CFTR: variants seen among roughly 807,000 people sequenced by gnomAD.
CFTR encodes cystic fibrosis transmembrane conductance regulator.
Under a neutral mutation model 171.6 loss-of-function variants are expected in CFTR, and 181 were observed. That is an observed-to-expected ratio of 1.05 (90% CI 0.93 to 1.19). The LOEUF (loss-of-function observed/expected upper bound fraction) is 1.19, where lower values mean the gene tolerates loss of function less well. Among genes scored for constraint, CFTR ranks in the 50% most tolerant of loss-of-function variants. The pLI, the probability that CFTR is intolerant of heterozygous loss-of-function variation, is 0.00. For missense variants in CFTR, 1,968 were observed against 1,734.7 expected (o/e 1.13, Z -2.39); for synonymous variants, 583 against 608.0 (o/e 0.96, Z 0.60).
intron 24 of CFTR, among the ~76,000 whole-genome samples, chr7:117,655,421 C>A (rs1793151712): frequency 6.6e-6 from 1 of 152,190 alleles, no homozygotes; most frequent in South Asian, 2.1e-4. Flanking sequence ...ATAACATGTT[C>A]CTCATTTCCA....
intron 11 of CFTR, among the ~76,000 whole-genome samples, chr7:117,559,984 T>C (rs1021565895): frequency 6.6e-6 from 1 of 152,134 alleles, no homozygotes; most frequent in Non-Finnish European, 1.5e-5. Flanking sequence ...ATAAGTGATA[T>C]GTGGTATCTT....
Position 117,530,893 on chromosome 7 carries a change from T to C in CFTR, c.274-6T>C, listed in dbSNP as rs371315549. ...ATTTAATTTCTCTGTTTTTCCCCTTTTGTAGGAAGTCACCAAAGCAGTACA... is the reference window on the plus strand; with the variant it reads ...ATTTAATTTCTCTGTTTTTCCCCTTCTGTAGGAAGTCACCAAAGCAGTACA... On this transcript the variant is annotated splice_region_variant and splice_polypyrimidine_tract_variant and intron_variant, in intron 3 of 26. Transcript: ENST00000003084. 1,322 of 1,587,290 alleles carry C rather than the reference T, an allele frequency of 8.3e-4. 1 individual carries two copies. The highest frequency in any genetic ancestry group is 1.1e-3 in the Non-Finnish European group (1,232 of 1,156,488).
chr7:117,633,443 A>G (rs2116143707), intron 22 of CFTR, among the ~76,000 whole-genome samples: 1 of 152,250 alleles, frequency 6.6e-6, no homozygotes, highest in African/African-American at 2.4e-5. Flanking sequence ...ATAGATTATC[A>G]TCATCTGAAC....
rs11978434 is a variant in CFTR, at chr7:117,591,798, T to C, written c.1767-136T>C. The C allele has an allele frequency of 0.21, 121,905 of 571,422 alleles. 14,909 individuals are homozygous for C. The highest frequency in any genetic ancestry group is 0.24 in the Non-Finnish European group (81,111 of 337,472). 35.4% of individuals were successfully genotyped at this position (571,422 alleles called of 1,614,324 possible). ...CAATTTAATTACTACAGAGTACTTA[T>C]AGAATCATTTAAAATATAATAAAAT... On this transcript the variant is annotated intron_variant, in intron 13 of 26. Transcript: ENST00000003084.
intron 15 of CFTR, among the ~76,000 whole-genome samples, chr7:117,597,710 T>A (rs996503812): frequency 6.6e-6 from 1 of 152,134 alleles, no homozygotes; most frequent in Non-Finnish European, 1.5e-5. Context: ...GACAACCATT[T>A]TAGAGATTCA....
At chr7:117,612,042 T>TATATATATATATATAC (rs1792411601) in intron 20 of CFTR, among the ~76,000 whole-genome samples, 1 of 74,928 alleles carries the variant, frequency 1.3e-5, no homozygotes, top group Non-Finnish European at 2.8e-5. Flanking sequence ...TATATATATA[T>TATATATATATATATAC]ATATATATAT....
At chr7:117,642,349 A>G (rs930052307) in intron 22 of CFTR, 89 bp from the exon 23 acceptor site, 8 of 1,261,016 alleles carry the variant, frequency 6.3e-6, no homozygotes, top group African/African-American at 1.5e-5. Context: ...AAATATTCCA[A>G]TGGTTTTTAT....
chr7:117,554,610 G>C (rs1799320777), intron 10 of CFTR, among the ~76,000 whole-genome samples: 1 of 152,096 alleles, frequency 6.6e-6, no homozygotes, highest in Non-Finnish European at 1.5e-5. Context: ...GATAAGAAGA[G>C]AAAGGGGTGT....
rs1793110116 is a variant in CFTR at position 117,652,911 on chromosome 7, A to C, written c.3943A>C (p.Ile1315Leu). ...CTATGAACAGTGGAGTGATCAAGAA[A>C]TATGGAAAGTTGCAGATGAGGTAAG... ...DPYEQWSDQEIWKVADEVGLR... is the reference protein window; with the variant it reads ...DPYEQWSDQELWKVADEVGLR... The change falls in exon 24 of 27, where the codon ATA (isoleucine) becomes CTA (leucine). Residue 1315 changes from isoleucine to leucine, a missense_variant. By Grantham distance (5) the Ile-to-Leu change is conservative. Coordinates refer to ENST00000003084, the MANE Select transcript of CFTR (RefSeq NM_000492.4). 1.2e-6 allele frequency: 2 copies of C among 1,605,524 alleles called. No individual in the cohort carries two copies. Among genetic ancestry groups the C allele is most frequent in the Non-Finnish European group, 1.7e-6 (2 of 1,173,282 alleles).
At chr7:117,574,457 A>G (rs1791743551) in intron 11 of CFTR, among the ~76,000 whole-genome samples, 1 of 152,110 alleles carries the variant, frequency 6.6e-6, no homozygotes, top group South Asian at 2.1e-4. Context: ...TTCTCTTTAT[A>G]TAAATGTTTC....
intron 22 of CFTR, among the ~76,000 whole-genome samples, chr7:117,639,157 G>A (rs1792875243): frequency 6.6e-6 from 1 of 152,146 alleles, no homozygotes; most frequent in African/African-American, 2.4e-5. Flanking sequence ...TTTGTCCATA[G>A]CAATTACTTT....
intron 1 of CFTR, among the ~76,000 whole-genome samples, chr7:117,486,579 G>T (rs1031198688): frequency 6.6e-6 from 1 of 151,960 alleles, no homozygotes; most frequent in Admixed American, 6.6e-5. Context: ...TAAACAGGTA[G>T]TGTGGAGGAC....
At chr7:117,510,729 C>T (rs962862660) in intron 3 of CFTR, among the ~76,000 whole-genome samples, 2 of 152,104 alleles carry the variant, frequency 1.3e-5, no homozygotes, top group Non-Finnish European at 2.9e-5. Context: ...TTGTATGATA[C>T]ATGGACATAT....
Position 117,533,171 on chromosome 7 carries a change from C to T in CFTR, c.490-1105C>T, listed in dbSNP as rs548562179. On this transcript the variant is annotated intron_variant, in intron 4 of 26. Transcript: ENST00000003084. ...GCCTTGTGCAGAACTCAAAGTCACT[C>T]GAGATTAAGCCTGTTACTAAGTTAT... Among the ~76,000 whole-genome samples the T allele has an allele frequency of 7.2e-5, 11 of 152,218 alleles. 1 individual carries two copies. The highest frequency in any genetic ancestry group is 2.6e-4 in the Admixed American group (4 of 15,262).
rs1793422071 is a variant in CFTR, at chr7:117,668,505, TC to T, written c.*1398del. ...TGTATGATTCCCAGCCAGCACAGCC[TC>T]TTAGATGCAGTTCTGAAGAAGATGG... On this transcript the variant is annotated 3_prime_UTR_variant, in exon 27 of 27. Coordinates refer to ENST00000003084, the MANE Select transcript of CFTR (RefSeq NM_000492.4). 1.3e-5 allele frequency: 2 copies of T among 152,646 alleles called. No homozygotes were observed. Among genetic ancestry groups the T allele is most frequent in the Admixed American group, 6.5e-5 (1 of 15,276 alleles). The allele number at this position is 152,646 out of a possible 1,614,324, so 9.5% of individuals were successfully genotyped here.
At chr7:117,505,773 A>G (rs1798403523) in intron 2 of CFTR, among the ~76,000 whole-genome samples, 1 of 152,210 alleles carries the variant, frequency 6.6e-6, no homozygotes, top group African/African-American at 2.4e-5. Flanking sequence ...CAAAGTAAAA[A>G]CATTGAGTTG....
rs139492880 is a variant in CFTR at position 117,667,189 on chromosome 7, C to T, written c.*81C>T. ...ACAGTCACCTCATGGAATTGGAGCT[C>T]GTGGAACAGTTACCTCTGCCTCAGA... is the stretch of plus-strand genomic sequence containing the variant. On this transcript the variant is annotated 3_prime_UTR_variant, in exon 27 of 27. Coordinates refer to ENST00000003084, the MANE Select transcript of CFTR (RefSeq NM_000492.4). 3.9e-4 allele frequency: 483 copies of T among 1,252,974 alleles called. No individual in the cohort carries two copies. The African/African-American group carries it at 5.9e-3, about 15-fold the overall frequency. The allele number at this position is 1,252,974 out of a possible 1,614,324, so 77.6% of individuals were successfully genotyped here. A position where few individuals can be genotyped will look rare whatever the true frequency, so the allele number is the denominator to read the frequency against.
chr7:117,642,629 A>G (rs1792938624), intron 23 of CFTR, 36 bp downstream of exon 23: 5 of 1,606,364 alleles, frequency 3.1e-6, no homozygotes, highest in Non-Finnish European at 4.3e-6. Context: ...AAAGGCAACT[A>G]AATTATATTT....
chr7:117,503,856 A>C (rs1235236312), intron 1 of CFTR, among the ~76,000 whole-genome samples: 1 of 152,206 alleles, frequency 6.6e-6, no homozygotes, highest in Non-Finnish European at 1.5e-5. Context: ...TGCATGTCTT[A>C]TTCAGAGTTT....
Sources: gnomAD v4.1 joint callset for allele counts (sites outside exome capture counted in the v4.1 genomes callset) on GRCh38, gnomAD v4.1.1 for gene constraint, MANE v1.5 for transcripts, NCBI Gene and HGNC (gene_info 2026-07-23, HGNC 2026-07-21) for gene names.